The following GRID2 variants were observed in gnomAD, a reference collection of about 807,000 sequenced individuals.
The protein encoded by GRID2 is glutamate receptor ionotropic, delta-2.
A neutral mutation model predicts 114.8 loss-of-function variants in GRID2; 33 were observed. The observed-to-expected ratio is 0.29, with a 90% CI of 0.22 to 0.38. GRID2 has a LOEUF of 0.38. Among genes scored for constraint, GRID2 ranks in the 10% least tolerant of loss-of-function variants. The probability of loss-of-function intolerance (pLI) is 1.00; values close to 1 mark genes in which losing one functional copy is unlikely to be tolerated. For missense variants in GRID2, 1,184 were observed against 1,257.7 expected (o/e 0.94, Z 0.89); for synonymous variants, 505 against 449.9 (o/e 1.12, Z -1.55).
At chr4:93,218,901 T>A (rs911024983) in intron 6 of GRID2, among the ~76,000 whole-genome samples, 2 of 152,130 alleles carry the variant, frequency 1.3e-5, no homozygotes, top group African/African-American at 4.8e-5. Context: ...GAAAAGCCGC[T>A]TATAAAACCA....
At chr4:92,860,682 T>A (rs1247732092) in intron 2 of GRID2, among the ~76,000 whole-genome samples, 3 of 152,154 alleles carry the variant, frequency 2.0e-5, no homozygotes, top group Admixed American at 1.3e-4. Context: ...TTATTTATCC[T>A]ATTCATTTAT....
intron 14 of GRID2, among the ~76,000 whole-genome samples, chr4:93,690,855 T>C (rs2110113946): frequency 6.7e-6 from 1 of 149,678 alleles, no homozygotes; most frequent in African/African-American, 2.4e-5. Context: ...TGTTGTTTTA[T>C]ATATAATATG....
intron 14 of GRID2, among the ~76,000 whole-genome samples, chr4:93,703,688 T>C (rs1057380733): frequency 3.0e-5 from 4 of 133,716 alleles, no homozygotes; most frequent in African/African-American, 1.1e-4. Context: ...ATGTTCCCCT[T>C]CCTGTGTCCA....
chr4:92,371,111 G>A (rs1422963121), intron 1 of GRID2, among the ~76,000 whole-genome samples: 1 of 152,084 alleles, frequency 6.6e-6, no homozygotes, highest in Non-Finnish European at 1.5e-5. Flanking sequence ...GGAAGCTGTA[G>A]AAGAAAACTT....
intron 6 of GRID2, 125 bp downstream of exon 6, chr4:93,217,036 T>C: frequency 1.6e-6 from 1 of 637,304 alleles, no homozygotes. Context: ...CCTCCAGCAA[T>C]TTCATAAGTC....
chr4:93,679,067 A>G (rs1027120914), intron 14 of GRID2, among the ~76,000 whole-genome samples: 49 of 151,194 alleles, frequency 3.2e-4, no homozygotes, highest in Admixed American at 9.2e-4. Flanking sequence ...GGCTCAAAAT[A>G]AAAGGATGGA....
At chr4:92,552,578 T>C (rs977276959) in intron 1 of GRID2, among the ~76,000 whole-genome samples, 3 of 152,066 alleles carry the variant, frequency 2.0e-5, no homozygotes, top group Non-Finnish European at 4.4e-5. Context: ...TAATGGAGAA[T>C]ATAGGAGTTT....
At chr4:92,739,810 C>A (rs1365549279) in intron 2 of GRID2, among the ~76,000 whole-genome samples, 2 of 152,066 alleles carry the variant, frequency 1.3e-5, no homozygotes, top group African/African-American at 4.8e-5. Flanking sequence ...AACATTTCGA[C>A]ATAATTAAGT....
Position 92,856,859 on chromosome 4 carries a change from T to C in GRID2, c.245-228136T>C, listed in dbSNP as rs1744215776. The stretch of plus-strand genomic sequence containing the variant: ...AGATACCGAACTTTTTTTAAAAAAT[T>C]GGAATCTTGTGGCAACCCTGCAGTG... On this transcript the variant is annotated intron_variant, in intron 2 of 15. Coordinates refer to ENST00000282020, the MANE Select transcript of GRID2 (RefSeq NM_001510.4). Among the ~76,000 whole-genome samples, 4 of 152,252 alleles carry C rather than the reference T, an allele frequency of 2.6e-5. No homozygotes were observed. In the South Asian group the frequency reaches 8.3e-4, roughly 32 times the overall value.
chr4:92,997,563 G>A lies in GRID2; in HGVS notation c.245-87432G>A, dbSNP rs536711062. On this transcript the variant is annotated intron_variant, in intron 2 of 15. Transcript: ENST00000282020. ...TTGTTATAGCACATCCTTAACCTCA[G>A]GTAGCTGAGGGAAGTTGAAGAGGAT... 6.6e-5 allele frequency among the ~76,000 whole-genome samples: 10 copies of A among 152,300 alleles called. No individual in the cohort carries two copies. The South Asian group carries it at 8.3e-4, about 13-fold the overall frequency.
At chr4:92,782,913 A>C (rs1739152157) in intron 2 of GRID2, among the ~76,000 whole-genome samples, 1 of 152,090 alleles carries the variant, frequency 6.6e-6, no homozygotes, top group Non-Finnish European at 1.5e-5. Context: ...GAAACTTAAC[A>C]GGAGAACAGA....
chr4:92,983,048 T>TAGGA (rs1237728292), intron 2 of GRID2, among the ~76,000 whole-genome samples: 2 of 152,090 alleles, frequency 1.3e-5, no homozygotes, highest in African/African-American at 4.8e-5. Context: ...CAATCAGAGA[T>TAGGA]AGGAAGGAAA....
chr4:92,715,831 C>G (rs545812997), intron 2 of GRID2, among the ~76,000 whole-genome samples: 2 of 152,218 alleles, frequency 1.3e-5, no homozygotes, highest in South Asian at 4.1e-4. Flanking sequence ...CACAGCCAAA[C>G]CATATCAGAT....
At chr4:93,118,009 G>T (rs780427024) in intron 4 of GRID2, among the ~76,000 whole-genome samples, 3 of 152,066 alleles carry the variant, frequency 2.0e-5, no homozygotes, top group Non-Finnish European at 2.9e-5. Flanking sequence ...AATCCTCTAT[G>T]TTCCCATATT....
chr4:92,442,850 A>G (rs1195208358), intron 1 of GRID2, among the ~76,000 whole-genome samples: 1 of 152,150 alleles, frequency 6.6e-6, no homozygotes, highest in Non-Finnish European at 1.5e-5. Context: ...CTTTAGCTCC[A>G]GCCACCTTTT....
chr4:93,469,148 A>G (rs1256131909), intron 11 of GRID2, among the ~76,000 whole-genome samples: 3 of 152,094 alleles, frequency 2.0e-5, no homozygotes, highest in African/African-American at 7.2e-5. Flanking sequence ...CTTTTCTGAT[A>G]AATCTTCCCT....
At chr4:93,534,808 A>G (rs1471048361) in intron 13 of GRID2, among the ~76,000 whole-genome samples, 2 of 151,678 alleles carry the variant, frequency 1.3e-5, no homozygotes, top group African/African-American at 4.8e-5. Flanking sequence ...GATTACCACA[A>G]CCAAGCTAAC....
chr4:92,898,442 A>G (rs1331617921), intron 2 of GRID2, among the ~76,000 whole-genome samples: 13 of 152,170 alleles, frequency 8.5e-5, no homozygotes, highest in Non-Finnish European at 1.5e-4. Flanking sequence ...GTAATAGAAG[A>G]TATTTCATGT....
intron 2 of GRID2, among the ~76,000 whole-genome samples, chr4:92,606,466 G>A (rs1729458373): frequency 6.6e-6 from 1 of 151,938 alleles, no homozygotes; most frequent in Admixed American, 6.6e-5. Context: ...TTCAGTGAGA[G>A]GAAGAAGAAA....
Sources: gnomAD v4.1 joint callset for allele counts (sites outside exome capture counted in the v4.1 genomes callset) on GRCh38, gnomAD v4.1.1 for gene constraint, MANE v1.5 for transcripts, NCBI Gene and HGNC (gene_info 2026-07-23, HGNC 2026-07-21) for gene names.